The following COL9A1 variants were observed in gnomAD, a reference collection of about 807,000 sequenced individuals.
The protein encoded by COL9A1 is collagen alpha-1(IX) chain.
Under a neutral mutation model 142.6 loss-of-function variants are expected in COL9A1, and 104 were observed. The observed-to-expected ratio is 0.73, with a 90% CI of 0.62 to 0.86. COL9A1 has a LOEUF of 0.86. Ranked by LOEUF, COL9A1 falls within the 40% of genes least tolerant of loss-of-function variation. COL9A1 has a pLI of 0.00. For missense variants in COL9A1, 1,210 were observed against 1,176.6 expected, an observed-to-expected ratio of 1.03 and a Z score of -0.42; for synonymous variants, 466 against 396.0, an observed-to-expected ratio of 1.18 and a Z score of -2.10.
At chr6:70,268,465 T>C (rs1463511589) in intron 17 of COL9A1, among the ~76,000 whole-genome samples, 1 of 152,184 alleles carries the variant, frequency 6.6e-6, no homozygotes, top group Non-Finnish European at 1.5e-5. Flanking sequence ...TCCTCCCACC[T>C]TGGCCTCCCA....
At chr6:70,277,106 T>C (rs1313091057) in intron 10 of COL9A1, among the ~76,000 whole-genome samples, 1 of 152,220 alleles carries the variant, frequency 6.6e-6, no homozygotes, top group African/African-American at 2.4e-5. Context: ...AACCTCTGCC[T>C]GTAAAAATTA....
intron 18 of COL9A1, among the ~76,000 whole-genome samples, chr6:70,265,992 C>T (rs776155150): frequency 6.6e-6 from 1 of 152,062 alleles, no homozygotes; most frequent in Non-Finnish European, 1.5e-5. Context: ...TTAATAAGAA[C>T]AACTTAACTT....
intron 20 of COL9A1, among the ~76,000 whole-genome samples, chr6:70,257,590 T>C (rs1190832913): frequency 1.3e-5 from 2 of 151,944 alleles, no homozygotes; most frequent in Admixed American, 1.3e-4. Context: ...TCTACAAAAA[T>C]ACAAAAATTA....
At chr6:70,296,498 T>A (rs1386608045) in intron 4 of COL9A1, among the ~76,000 whole-genome samples, 22 of 152,140 alleles carry the variant, frequency 1.4e-4, no homozygotes, top group Non-Finnish European at 3.1e-4. Context: ...TGACTCCAGA[T>A]ATTTGTTTTT....
At position 70,252,278 on chromosome 6, in the gene COL9A1, C is replaced by A. The variant is rs760070670; in HGVS notation, c.1802G>T (p.Gly601Val). The A allele has an allele frequency of 1.1e-5, 18 of 1,614,072 alleles. No homozygotes were observed. Among genetic ancestry groups the A allele is most frequent in the Non-Finnish European group, 1.5e-5 (18 of 1,180,022 alleles). Residue 601 changes from glycine (G) to valine (V), a missense_variant, in exon 27 of 38, where the codon GGA (glycine) becomes GTA (valine). Transcript: ENST00000357250. ...GTGTCTTACCGGTTTGCCTGAATTTCCCATCTGACCAGGCTTCCCTGGAGC... is the reference window on the plus strand; with the variant it reads ...GTGTCTTACCGGTTTGCCTGAATTTACCATCTGACCAGGCTTCCCTGGAGC... ...TGAPGKPGQM[G>V]NSGKPGQQGP...
chr6:70,246,830 T>C (rs1252217195), intron 28 of COL9A1, among the ~76,000 whole-genome samples: 1 of 152,238 alleles, frequency 6.6e-6, no homozygotes, highest in Non-Finnish European at 1.5e-5. Flanking sequence ...CTGAGCCCAG[T>C]GGCCTGGTCT....
intron 37 of COL9A1, among the ~76,000 whole-genome samples, chr6:70,217,429 C>T (rs1768596182): frequency 6.6e-6 from 1 of 152,150 alleles, no homozygotes. Flanking sequence ...GGATCAAACA[C>T]ACCTGGATTT....
chr6:70,242,347 A>G (rs1462413868), intron 29 of COL9A1, among the ~76,000 whole-genome samples: 4 of 152,080 alleles, frequency 2.6e-5, no homozygotes, highest in Non-Finnish European at 4.4e-5. Context: ...CTAGCTATGT[A>G]AACAAGCACT....
intron 17 of COL9A1, 66 bp from the exon 18 acceptor site, chr6:70,266,836 G>C (rs1419730067): frequency 4.7e-6 from 6 of 1,282,568 alleles, no homozygotes. Flanking sequence ...GGCTCATAAA[G>C]TGATCCTGCT....
chr6:70,251,348 C>A (rs1014355658), intron 28 of COL9A1, among the ~76,000 whole-genome samples: 16 of 151,996 alleles, frequency 1.1e-4, no homozygotes, highest in Non-Finnish European at 2.9e-5. Context: ...AGTTCAAGAC[C>A]AGCCTGGTCA....
intron 36 of COL9A1, 22 bp from the exon 37 acceptor site, chr6:70,226,031 T>A: frequency 1.9e-6 from 3 of 1,589,378 alleles, no homozygotes; most frequent in Non-Finnish European, 2.6e-6. Context: ...TAAAGAAATG[T>A]TATTTTTCTA....
At chr6:70,281,543 C>T (rs915178680) in intron 7 of COL9A1, 79 bp from the exon 8 acceptor site, 1 of 1,129,234 alleles carries the variant, frequency 8.9e-7, no homozygotes, top group Non-Finnish European at 1.3e-6. Context: ...CTGAAGCCCC[C>T]GCCTCCGTGG....
Position 70,216,623 on chromosome 6 carries a change from A to C in COL9A1, c.*274T>G. The C allele has an allele frequency of 1.5e-5, 7 of 474,832 alleles. No individual in the cohort carries two copies. Among genetic ancestry groups the C allele is most frequent in the East Asian group, 4.1e-5 (1 of 24,644 alleles). The allele number at this position is 474,832 out of a possible 1,614,324, so 29.4% of individuals were successfully genotyped here. A position where few individuals can be genotyped will look rare whatever the true frequency, so the allele number is the denominator to read the frequency against. On this transcript the variant is annotated 3_prime_UTR_variant, in exon 38 of 38. Coordinates refer to ENST00000357250, the MANE Select transcript of COL9A1 (RefSeq NM_001851.6). ...AGCTCAAGATCCTGGGAACAGGAGT[A>C]TAAATTTATTCAAGGGAGGTGTTTG...
chr6:70,292,854 G>C (rs1218815025), intron 5 of COL9A1, among the ~76,000 whole-genome samples: 1 of 152,126 alleles, frequency 6.6e-6, no homozygotes, highest in Non-Finnish European at 1.5e-5. Flanking sequence ...TGGCATAACA[G>C]TAGTCCAATC....
intron 6 of COL9A1, chr6:70,283,145 T>C (rs1416875086): frequency 6.6e-7 from 1 of 1,524,276 alleles, no homozygotes; most frequent in South Asian, 1.2e-5. Flanking sequence ...TGGCACTTCG[T>C]CCCTGCAGAA....
In COL9A1 at chr6:70,289,396, T is replaced by A. The variant is rs189603481; in HGVS notation, c.696+4771A>T. 4.6e-5 allele frequency among the ~76,000 whole-genome samples: 7 copies of A among 152,314 alleles called. No individual in the cohort carries two copies. The East Asian group carries it at 1.2e-3, about 25-fold the overall frequency. On this transcript the variant is annotated intron_variant, in intron 5 of 37. Coordinates refer to ENST00000357250, the MANE Select transcript of COL9A1 (RefSeq NM_001851.6). ...GAAAGTTTGATCATTATTCAGTTTT[T>A]ATTCTAGCTATCCACAGCCCCTACT...
At chr6:70,255,494 C>A in intron 21 of COL9A1, 104 bp from the exon 22 acceptor site, 1 of 982,734 alleles carries the variant, frequency 1.0e-6, no homozygotes, top group Non-Finnish European at 1.6e-6. Flanking sequence ...TAGTCTTCCA[C>A]CACAATGGCT....
In COL9A1 at chr6:70,216,810, T is replaced by G; in HGVS notation, c.*87A>C. On this transcript the variant is annotated 3_prime_UTR_variant, in exon 38 of 38. Transcript: ENST00000357250. ...ATTGTAATCATGCTGAAGGTAATCA[T>G]CTTTGCCCCAGCTTTGGATGGTGTT... 7.2e-7 allele frequency: 1 copy of G among 1,380,728 alleles called. No individual in the cohort carries two copies. Among genetic ancestry groups the G allele is most frequent in the Admixed American group, 1.8e-5 (1 of 56,768 alleles). 85.5% of individuals were successfully genotyped at this position (1,380,728 alleles called of 1,614,324 possible).
At chr6:70,267,327 G>GTTTTTTTTTTGTT (rs1772085691) in intron 17 of COL9A1, among the ~76,000 whole-genome samples, 3 of 127,060 alleles carry the variant, frequency 2.4e-5, no homozygotes, top group East Asian at 2.1e-4. Flanking sequence ...TGGTTTTTTT[G>GTTTTTTTTTTGTT]TTTTTTTTTT....
Sources: allele counts gnomAD v4.1 joint callset (sites outside exome capture counted in the v4.1 genomes callset), GRCh38; gene constraint gnomAD v4.1.1; transcripts MANE v1.5; gene names NCBI Gene and HGNC (gene_info 2026-07-23, HGNC 2026-07-21).